PDXDC1: variants seen among roughly 807,000 people sequenced by gnomAD.
PDXDC1 encodes pyridoxal dependent decarboxylase domain containing 1.
Under a neutral mutation model 100.1 loss-of-function variants are expected in PDXDC1, and 42 were observed. The ratio of observed to expected loss-of-function variants is 0.42; its 90% CI spans 0.33 to 0.54. The LOEUF is 0.54. PDXDC1 is among the 20% of genes least tolerant of loss of function. PDXDC1 has a pLI of 0.10. For missense variants in PDXDC1, 636 were observed against 979.2 expected, an observed-to-expected ratio of 0.65 and a Z score of 4.68; for synonymous variants, 260 against 371.7, an observed-to-expected ratio of 0.70 and a Z score of 3.46.
intron 16 of PDXDC1, among the ~76,000 whole-genome samples, chr16:15,078,969 A>G (rs1208827006): frequency 6.6e-6 from 1 of 151,498 alleles, no homozygotes; most frequent in Non-Finnish European, 1.5e-5. Flanking sequence ...CCACCACCAT[A>G]CCCGGCCAAT....
chr16:15,080,234 C>G, intron 16 of PDXDC1: 1 of 1,123,614 alleles, frequency 8.9e-7, no homozygotes, highest in Non-Finnish European at 1.2e-6. Context: ...AATACAAAAA[C>G]TATACTGTTT....
chr16:15,000,399 G>A (rs927447873), intron 3 of PDXDC1, among the ~76,000 whole-genome samples: 1 of 152,298 alleles, frequency 6.6e-6, no homozygotes, highest in South Asian at 2.1e-4. Flanking sequence ...CAGGCAGCCA[G>A]TGTGCCTCAA....
At chr16:14,992,753 T>C (rs1479713317) in intron 1 of PDXDC1, among the ~76,000 whole-genome samples, 4 of 152,298 alleles carry the variant, frequency 2.6e-5, no homozygotes, top group Non-Finnish European at 5.9e-5. Flanking sequence ...TGTCGTTTAT[T>C]AGCTCTATGG....
intron 14 of PDXDC1, among the ~76,000 whole-genome samples, chr16:15,027,697 G>C (rs989827575): frequency 6.6e-6 from 1 of 152,304 alleles, no homozygotes; most frequent in Non-Finnish European, 1.5e-5. Context: ...GCCGGGGCCT[G>C]TCGGGGTGCT....
intron 16 of PDXDC1, among the ~76,000 whole-genome samples, chr16:15,089,041 G>C (rs574538843): frequency 4.6e-5 from 7 of 152,142 alleles, no homozygotes; most frequent in African/African-American, 9.7e-5. Flanking sequence ...AGTGGCTCAC[G>C]TCTATAATCC....
intron 13 of PDXDC1, among the ~76,000 whole-genome samples, chr16:15,023,531 C>T (rs1243605546): frequency 1.2e-4 from 19 of 152,408 alleles, no homozygotes; most frequent in Non-Finnish European, 1.9e-4. Context: ...TGGTGGCACA[C>T]GCCTGTAGTC....
chr16:15,130,189 C>T, intron 16 of PDXDC1: 1 of 1,547,504 alleles, frequency 6.5e-7, no homozygotes, highest in Non-Finnish European at 8.7e-7. Context: ...CCCAGGAGCA[C>T]AGGGTCACTC....
At chr16:14,984,480 T>TAC (rs1968823217) in intron 1 of PDXDC1, among the ~76,000 whole-genome samples, 1 of 86,472 alleles carries the variant, frequency 1.2e-5, no homozygotes, top group Non-Finnish European at 2.4e-5. Flanking sequence ...TGTATACATA[T>TAC]ATATATATAT....
At chr16:15,005,073 C>T (rs1409010711) in intron 5 of PDXDC1, among the ~76,000 whole-genome samples, 1 of 152,278 alleles carries the variant, frequency 6.6e-6, no homozygotes, top group Non-Finnish European at 1.5e-5. Flanking sequence ...AAAGAAAACT[C>T]TGAGGCCAGG....
intron 16 of PDXDC1, chr16:15,061,814 G>A (rs755227377): frequency 3.5e-5 from 56 of 1,614,146 alleles, no homozygotes; most frequent in Admixed American, 1.5e-4. Context: ...TCGGAAATGC[G>A]TGTCAAAGGA....
intron 16 of PDXDC1, among the ~76,000 whole-genome samples, chr16:15,077,606 C>T (rs975933034): frequency 2.6e-5 from 4 of 152,152 alleles, no homozygotes; most frequent in African/African-American, 9.7e-5. Flanking sequence ...CTTTGGGAGG[C>T]CGAGGTGGAC....
chr16:15,122,166 A>C (rs2047453722), intron 16 of PDXDC1, among the ~76,000 whole-genome samples: 1 of 151,744 alleles, frequency 6.6e-6, no homozygotes, highest in South Asian at 2.1e-4. Flanking sequence ...TCTGTCTAAA[A>C]AACAAACAAA....
chr16:15,101,887 T>C (rs1307234953), intron 16 of PDXDC1, among the ~76,000 whole-genome samples: 2 of 151,876 alleles, frequency 1.3e-5, no homozygotes, highest in South Asian at 4.1e-4. Flanking sequence ...CTTGCTCTGT[T>C]GCTCAGGCTG....
chr16:15,022,832 T>G, intron 13 of PDXDC1, 78 bp downstream of exon 13: 1 of 1,142,082 alleles, frequency 8.8e-7, no homozygotes. Flanking sequence ...TTTAGAACTT[T>G]AGAATGATTT....
In PDXDC1 at chr16:15,136,028, G is replaced by A. The variant is rs1365220442; in HGVS notation, c.1400-2851G>A. On this transcript the variant is annotated intron_variant, in intron 16 of 16. Transcript: ENST00000535621. ...GCTGTGGCTGGGTGTGGCTCCCCGG[G>A]CAGCCAGTTCTGGCAGCTCTCCAGG... 3.9e-6 allele frequency: 6 copies of A among 1,544,046 alleles called. No individual in the cohort carries two copies. The East Asian group carries it at 6.9e-5, about 18-fold the overall frequency.
At chr16:15,145,210 G>A in the PDXDC1 span, among the ~76,000 whole-genome samples, 3 of 152,182 alleles carry the variant, frequency 2.0e-5, no homozygotes, top group African/African-American at 7.2e-5. Context: ...GGCCATCTGC[G>A]CCCGGCTGTG....
chr16:15,025,008 C>T (rs2042482987), intron 13 of PDXDC1, among the ~76,000 whole-genome samples: 1 of 152,312 alleles, frequency 6.6e-6, no homozygotes, highest in Non-Finnish European at 1.5e-5. Context: ...GACATGCTCC[C>T]ATCCCCTGCC....
At chr16:15,054,513 A>G (rs2044423050) in intron 16 of PDXDC1, among the ~76,000 whole-genome samples, 1 of 152,178 alleles carries the variant, frequency 6.6e-6, no homozygotes, top group Admixed American at 6.5e-5. Context: ...TGACTTCGCT[A>G]GCTAACAGGA....
At position 15,125,560 on chromosome 16, in the gene PDXDC1, T is replaced by A. The variant is rs1373817791; in HGVS notation, c.1400-13319T>A. 4 of 1,566,982 alleles carry A rather than the reference T, an allele frequency of 2.6e-6. No homozygotes were observed. The African/African-American group carries it at 5.4e-5, about 21-fold the overall frequency. On this transcript the variant is annotated intron_variant, in intron 16 of 16. Transcript: ENST00000535621. ...CTCTAGGGGAACCCACCTCTTAGAA[T>A]CATCCAGAAACAAGTCACTCTTCAC...
Sources: gnomAD v4.1 joint callset for allele counts (sites outside exome capture counted in the v4.1 genomes callset) on GRCh38, gnomAD v4.1.1 for gene constraint, MANE v1.5 for transcripts, NCBI Gene and HGNC (gene_info 2026-07-23, HGNC 2026-07-21) for gene names.